The following KPNA1 variants were observed in gnomAD, a reference collection of about 807,000 sequenced individuals.
KPNA1 encodes the protein importin subunit alpha-5.
Under a neutral mutation model 70.5 loss-of-function variants are expected in KPNA1, and 10 were observed. That is an observed-to-expected ratio of 0.14 (90% CI 0.09 to 0.24). The LOEUF is 0.24. KPNA1 is among the 10% of genes least tolerant of loss of function. KPNA1 has a pLI of 1.00. For synonymous variants in KPNA1, 192 were observed against 221.9 expected (o/e 0.87, Z 1.20); for missense variants, 397 against 637.9 (o/e 0.62, Z 4.07).
chr3:122,436,250 G>A (rs370025863), intron 11 of KPNA1, among the ~76,000 whole-genome samples: 3 of 152,198 alleles, frequency 2.0e-5, no homozygotes, highest in African/African-American at 4.8e-5. Context: ...CTCAAACCCT[G>A]TCTCCTGATA....
At chr3:122,473,248 CAG>C (rs1487129768) in intron 2 of KPNA1, among the ~76,000 whole-genome samples, 1 of 151,998 alleles carries the variant, frequency 6.6e-6, no homozygotes, top group Admixed American at 6.5e-5. Context: ...CCTTCCAAAA[CAG>C]AAAACACCAG....
chr3:122,464,986 G>A (rs2076364109), intron 3 of KPNA1, among the ~76,000 whole-genome samples: 1 of 152,150 alleles, frequency 6.6e-6, no homozygotes. Context: ...GTTTCTATAT[G>A]ATTTGTTATG....
intron 1 of KPNA1, among the ~76,000 whole-genome samples, chr3:122,507,757 TAA>T (rs769610393): frequency 7.5e-4 from 107 of 142,822 alleles, no homozygotes; most frequent in Admixed American, 1.1e-3. Flanking sequence ...TTTGGGGGGT[TAA>T]AAAAAAAAAA....
At chr3:122,509,210 C>A (rs1038999223) in intron 1 of KPNA1, among the ~76,000 whole-genome samples, 2 of 150,182 alleles carry the variant, frequency 1.3e-5, no homozygotes, top group African/African-American at 4.9e-5. Context: ...CATGCCACTG[C>A]ACTCACTTGG....
At chr3:122,460,003 A>T (rs2076305531) in intron 5 of KPNA1, 1 of 985,438 alleles carries the variant, frequency 1.0e-6, no homozygotes, top group Non-Finnish European at 1.2e-6. Context: ...AGTAAAGAAC[A>T]GCACACAAGG....
intron 1 of KPNA1, among the ~76,000 whole-genome samples, chr3:122,506,964 A>T (rs1433959719): frequency 6.6e-6 from 1 of 152,230 alleles, no homozygotes; most frequent in Admixed American, 6.5e-5. Flanking sequence ...TGTTCACTGC[A>T]GTGTGATTAT....
rs1264666161 is a variant in KPNA1 at position 122,423,777 on chromosome 3, AT to A, written c.*3207del. The A allele has an allele frequency of 6.6e-6, 1 of 152,596 alleles. No individual in the cohort carries two copies. The highest frequency in any genetic ancestry group is 1.9e-4 in the East Asian group (1 of 5,200). The allele number at this position is 152,596 out of a possible 1,614,324, so 9.5% of individuals were successfully genotyped here. Reference sequence around the variant, plus strand: ...TCGGCAGCAATCTGGAATAATTCAGATTTTTTATGAGATTAATTGCCAATCT... The same window carrying A: ...TCGGCAGCAATCTGGAATAATTCAGATTTTTATGAGATTAATTGCCAATCT... On this transcript the variant is annotated 3_prime_UTR_variant, in exon 14 of 14. Transcript: ENST00000344337.
chr3:122,452,158 G>A, intron 6 of KPNA1, 94 bp from the exon 7 acceptor site: 1 of 812,924 alleles, frequency 1.2e-6, no homozygotes, highest in South Asian at 1.4e-5. Flanking sequence ...CGTTCATCAG[G>A]GAGTCAAATG....
chr3:122,477,788 T>C (rs2076519424), intron 2 of KPNA1, among the ~76,000 whole-genome samples: 3 of 151,808 alleles, frequency 2.0e-5, no homozygotes, highest in South Asian at 2.1e-4. Flanking sequence ...CCACAATATA[T>C]ACATATTTCA....
rs1169422303 is a variant in KPNA1, at chr3:122,422,985, ATTTGC to A, written c.*3995_*3999del. ...TGATATTTTAAATTAGCATATAAATATTTGCTTTATCAGATATTCTGATGTCCTGG... is the reference window on the plus strand; with the variant it reads ...TGATATTTTAAATTAGCATATAAATATTTATCAGATATTCTGATGTCCTGG... On this transcript the variant is annotated 3_prime_UTR_variant, in exon 14 of 14. Transcript: ENST00000344337. 1.3e-5 allele frequency: 2 copies of A among 152,210 alleles called. No individual in the cohort carries two copies. The highest frequency in any genetic ancestry group is 4.8e-5 in the African/African-American group (2 of 41,456). The allele number at this position is 152,210 out of a possible 1,614,324, so 9.4% of individuals were successfully genotyped here. A position where few individuals can be genotyped will look rare whatever the true frequency, so the allele number is the denominator to read the frequency against.
chr3:122,513,028 A>C (rs2076972147), intron 1 of KPNA1, among the ~76,000 whole-genome samples: 1 of 152,238 alleles, frequency 6.6e-6, no homozygotes. Context: ...GATCGCGACT[A>C]TATCCCCCCA....
intron 10 of KPNA1, among the ~76,000 whole-genome samples, chr3:122,438,535 C>T (rs898195783): frequency 5.9e-5 from 9 of 151,730 alleles, no homozygotes; most frequent in African/African-American, 1.7e-4. Flanking sequence ...TACAGGCATG[C>T]GCCACCACGC....
chr3:122,448,966 T>C (rs2076170328), intron 9 of KPNA1, among the ~76,000 whole-genome samples: 2 of 152,352 alleles, frequency 1.3e-5, no homozygotes, highest in South Asian at 4.1e-4. Flanking sequence ...TATAACTATC[T>C]AATATATTCC....
intron 4 of KPNA1, among the ~76,000 whole-genome samples, chr3:122,463,606 A>G (rs994896389): frequency 6.6e-6 from 1 of 152,056 alleles, no homozygotes; most frequent in Non-Finnish European, 1.5e-5. Context: ...ATCAACAATC[A>G]TAACTCTTTC....
chr3:122,489,289 T>G (rs1327598198), intron 2 of KPNA1, among the ~76,000 whole-genome samples: 2 of 151,410 alleles, frequency 1.3e-5, no homozygotes, highest in Non-Finnish European at 2.9e-5. Context: ...TTGTTTGTTT[T>G]TTTTTGTTTG....
chr3:122,449,799 T>A, intron 8 of KPNA1, 62 bp from the exon 9 acceptor site: 194 of 1,006,408 alleles, frequency 1.9e-4, no homozygotes, highest in Non-Finnish European at 2.7e-4. Flanking sequence ...TGAGGTGAGA[T>A]ACTCAAGAAG....
At chr3:122,470,353 A>T (rs2076427123) in intron 2 of KPNA1, among the ~76,000 whole-genome samples, 1 of 152,062 alleles carries the variant, frequency 6.6e-6, no homozygotes, top group South Asian at 2.1e-4. Flanking sequence ...TCTACTAAAA[A>T]TACAAAAAAT....
rs143005503 is a variant in KPNA1, at chr3:122,427,090, G to A, written c.1512C>T (p.Phe504=). The change falls in exon 14 of 14, where the codon TTC becomes TTT. Residue 504 remains phenylalanine, a synonymous_variant. Transcript: ENST00000344337. The part of the protein sequence containing the change: ...QKAFDLIEHY[F]GTEDEDSSIA... ...TGCTGCTGTCTTCATCTTCGGTCCC[G>A]AAGTAATGCTCAATAAGATCAAAGG... 33 of 1,614,038 alleles carry A rather than the reference G, an allele frequency of 2.0e-5. No homozygotes were observed. The highest frequency in any genetic ancestry group is 1.6e-4 in the African/African-American group (12 of 75,018).
chr3:122,472,290 TA>T (rs1054047429), intron 2 of KPNA1, among the ~76,000 whole-genome samples: 3 of 151,782 alleles, frequency 2.0e-5, no homozygotes, highest in Admixed American at 6.6e-5. Flanking sequence ...ATATAATTTT[TA>T]AAAAAAACCC....
Sources: allele counts gnomAD v4.1 joint callset (sites outside exome capture counted in the v4.1 genomes callset), GRCh38; gene constraint gnomAD v4.1.1; transcripts MANE v1.5; gene names NCBI Gene and HGNC (gene_info 2026-07-23, HGNC 2026-07-21).